The following DOCK8 variants were observed in gnomAD, a reference collection of about 807,000 sequenced individuals.
The protein encoded by DOCK8 is dedicator of cytokinesis 8, also known as dedicator of cytokinesis protein 8.
Under a neutral mutation model 245.6 loss-of-function variants are expected in DOCK8, and 141 were observed. The observed-to-expected ratio is 0.57, with a 90% confidence interval of 0.50 to 0.66. The LOEUF is 0.66. Among genes scored for constraint, DOCK8 ranks in the 30% least tolerant of loss-of-function variants. DOCK8 has a pLI of 0.00. For missense variants in DOCK8, 2,965 were observed against 2,603.4 expected, an observed-to-expected ratio of 1.14 and a Z score of -3.02; for synonymous variants, 1,168 against 970.2, an observed-to-expected ratio of 1.20 and a Z score of -3.79.
rs565472918 is a variant in DOCK8, at chr9:437,199, G to C, written c.5080-2046G>C. On this transcript the variant is annotated intron_variant, in intron 39 of 47. Coordinates refer to ENST00000432829, the MANE Select transcript of DOCK8 (RefSeq NM_203447.4). Reference sequence around the variant, plus strand: ...AGCCCGTCTGAGGAATGTGAGCCTGGAGTAGCACCTGCCATACTGGACCTA... The same window carrying C: ...AGCCCGTCTGAGGAATGTGAGCCTGCAGTAGCACCTGCCATACTGGACCTA... Among the ~76,000 whole-genome samples the C allele has an allele frequency of 4.6e-5, 7 of 152,300 alleles. No homozygotes were observed. In the East Asian group the frequency reaches 1.3e-3, roughly 29 times the overall value.
chr9:325,321 CAG>C (rs1383241377), intron 7 of DOCK8, among the ~76,000 whole-genome samples: 2 of 152,156 alleles, frequency 1.3e-5, no homozygotes, highest in South Asian at 2.1e-4. Flanking sequence ...TTACCTCAGA[CAG>C]AAAGTCTACC....
At chr9:446,029 T>C (rs2057244266) in intron 43 of DOCK8, among the ~76,000 whole-genome samples, 1 of 152,250 alleles carries the variant, frequency 6.6e-6, no homozygotes, top group Admixed American at 6.5e-5. Context: ...GAGGTAGTCA[T>C]TGTCATTCTG....
Position 463,547 on chromosome 9 carries a change from T to C in DOCK8, c.6099T>C (p.Arg2033=), listed in dbSNP as rs1564097520. The C allele has an allele frequency of 6.2e-7, 1 of 1,614,144 alleles. No homozygotes were observed. Among genetic ancestry groups the C allele is most frequent in the Non-Finnish European group, 8.5e-7 (1 of 1,180,042 alleles). ...GTGAAGCTGTAGAGAAAAACAAGCG[T>C]CTCATCACGGCAGACCAGAGGGAAT... is the stretch of plus-strand genomic sequence containing the variant. ...RCGEAVEKNK[R]LITADQREYQ... Residue 2033 remains arginine (R), a synonymous_variant, in exon 47 of 48, where the codon CGT becomes CGC. Coordinates refer to ENST00000432829, the MANE Select transcript of DOCK8 (RefSeq NM_203447.4).
chr9:400,013 T>TCACCACCTCCTTCACCAC (rs2054690148), intron 26 of DOCK8, among the ~76,000 whole-genome samples: 1 of 45,704 alleles, frequency 2.2e-5, no homozygotes, highest in Non-Finnish European at 4.0e-5. Context: ...ACCTCCACCA[T>TCACCACCTCCTTCACCAC]CACCACCACC....
At chr9:418,546 G>T (rs1564041116) in intron 30 of DOCK8, among the ~76,000 whole-genome samples, 1 of 152,236 alleles carries the variant, frequency 6.6e-6, no homozygotes, top group Non-Finnish European at 1.5e-5. Flanking sequence ...GGGATTACAG[G>T]CGTGAGCCAC....
intron 44 of DOCK8, among the ~76,000 whole-genome samples, chr9:449,455 G>C (rs945623121): frequency 3.3e-5 from 5 of 152,182 alleles, no homozygotes; most frequent in African/African-American, 1.2e-4. Flanking sequence ...AGACATACTT[G>C]TGATCGAATT....
chr9:429,966 C>T, intron 36 of DOCK8, 112 bp downstream of exon 36: 1 of 1,329,966 alleles, frequency 7.5e-7, no homozygotes, highest in Non-Finnish European at 1.0e-6. Flanking sequence ...TTACTTCTGT[C>T]CTGTGAGAAA....
intron 28 of DOCK8, among the ~76,000 whole-genome samples, chr9:411,607 A>G (rs749400261): frequency 2.0e-5 from 3 of 152,138 alleles, no homozygotes; most frequent in Non-Finnish European, 4.4e-5. Context: ...CTATGAAGCT[A>G]GCATTACCCT....
chr9:330,867 C>T (rs1487449084), intron 9 of DOCK8, among the ~76,000 whole-genome samples: 1 of 152,186 alleles, frequency 6.6e-6, no homozygotes, highest in African/African-American at 2.4e-5. Flanking sequence ...GCAGCTCCTT[C>T]TCATGAAGTA....
chr9:237,982 A>G (rs1185031890), intron 1 of DOCK8, among the ~76,000 whole-genome samples: 3 of 152,192 alleles, frequency 2.0e-5, no homozygotes, highest in Non-Finnish European at 4.4e-5. Flanking sequence ...TAGCTGAGTT[A>G]TAGTCCGGCC....
At chr9:273,855 C>T (rs2048238011) in intron 2 of DOCK8, among the ~76,000 whole-genome samples, 3 of 152,128 alleles carry the variant, frequency 2.0e-5, no homozygotes, top group South Asian at 4.2e-4. Context: ...TACAGGCATG[C>T]ACCATCACAT....
chr9:280,818 C>T (rs1396681172), intron 2 of DOCK8: 1 of 152,216 alleles, frequency 6.6e-6, no homozygotes, highest in Non-Finnish European at 1.5e-5. Flanking sequence ...TCTTGTAGCT[C>T]ACCCTGTCTG....
At chr9:400,243 A>T (rs371559786) in intron 26 of DOCK8, among the ~76,000 whole-genome samples, 1,489 of 55,564 alleles carry the variant, frequency 0.027, 60 homozygotes, top group African/African-American at 0.14. Flanking sequence ...CATCACCACC[A>T]CCTCCACCAT....
At chr9:217,727 C>G (rs923521589) in intron 1 of DOCK8, among the ~76,000 whole-genome samples, 1 of 152,174 alleles carries the variant, frequency 6.6e-6, no homozygotes, top group African/African-American at 2.4e-5. Flanking sequence ...GTGTCCCAGA[C>G]ACTATATTAT....
chr9:342,538 C>A (rs532549856), intron 14 of DOCK8, among the ~76,000 whole-genome samples: 1 of 151,216 alleles, frequency 6.6e-6, no homozygotes, highest in African/African-American at 2.4e-5. Flanking sequence ...GACATGATCT[C>A]GGTTCACTGC....
rs140932408 is a variant in DOCK8, at chr9:344,798, A to C, written c.1679+4477A>C. On this transcript the variant is annotated intron_variant, in intron 14 of 47. Transcript: ENST00000432829. ...TGTGGTGGCTCACACCTATAATCCTAGCGCTTTCGGAGGCCAAGGCAGGTG... is the reference window on the plus strand; with the variant it reads ...TGTGGTGGCTCACACCTATAATCCTCGCGCTTTCGGAGGCCAAGGCAGGTG... Among the ~76,000 whole-genome samples the C allele has an allele frequency of 5.3e-3, 813 of 152,244 alleles. 12 individuals are homozygous for C. The highest frequency in any genetic ancestry group is 0.019 in the African/African-American group (779 of 41,534).
rs546515609 is a variant in DOCK8 at position 343,552 on chromosome 9, A to G, written c.1679+3231A>G. Among the ~76,000 whole-genome samples the G allele has an allele frequency of 1.2e-4, 19 of 152,308 alleles. No individual in the cohort carries two copies. The South Asian group carries it at 2.5e-3, about 20-fold the overall frequency. On this transcript the variant is annotated intron_variant, in intron 14 of 47. Coordinates refer to ENST00000432829, the MANE Select transcript of DOCK8 (RefSeq NM_203447.4). ...AATACAAACAGCTATTCACACAGGA[A>G]TGGAGAGTTCTTCTTTACAGTATTC...
intron 36 of DOCK8, 73 bp from the exon 37 acceptor site, chr9:432,093 A>T: frequency 6.5e-7 from 1 of 1,527,962 alleles, no homozygotes; most frequent in Non-Finnish European, 9.0e-7. Context: ...GTGTCTGGCC[A>T]TGCTGCTTTC....
intron 4 of DOCK8, among the ~76,000 whole-genome samples, chr9:300,405 A>C (rs1219175513): frequency 1.3e-5 from 2 of 152,186 alleles, no homozygotes; most frequent in Non-Finnish European, 2.9e-5. Context: ...ATAGTTCAGG[A>C]AATCAAACAA....
Sources: gnomAD v4.1 joint callset for allele counts (sites outside exome capture counted in the v4.1 genomes callset) on GRCh38, gnomAD v4.1.1 for gene constraint, MANE v1.5 for transcripts, NCBI Gene and HGNC (gene_info 2026-07-23, HGNC 2026-07-21) for gene names.